MAD2L1BP: variants seen among roughly 807,000 people sequenced by gnomAD.
MAD2L1BP encodes the protein MAD2L1 binding protein.
MAD2L1BP carries 22 observed loss-of-function variants against 28.4 expected under a neutral mutation model. The observed-to-expected ratio is 0.77, with a 90% CI of 0.55 to 1.10. MAD2L1BP has a LOEUF of 1.10. Among genes scored for constraint, MAD2L1BP ranks in the 50% least tolerant of loss-of-function variants. The pLI, the probability that MAD2L1BP is intolerant of heterozygous loss-of-function variation, is 0.00. For synonymous variants in MAD2L1BP, 146 were observed against 133.7 expected (o/e 1.09, Z -0.63); for missense variants, 325 against 350.5 (o/e 0.93, Z 0.58).
chr6:43,634,062 G>A (rs1163486478), upstream of MAD2L1BP, among the ~76,000 whole-genome samples: 1 of 151,998 alleles, frequency 6.6e-6, no homozygotes, highest in Non-Finnish European at 1.5e-5. Flanking sequence ...ATTGCAAATG[G>A]CATTCCTAAA....
chr6:43,640,674 C>G lies in MAD2L1BP; in HGVS notation c.*141C>G. ...CTCCTTCTGGTTGTCTGCCTCCCCT[C>G]AGATTTCCTGATAGGCTGATGGCAT... On this transcript the variant is annotated 3_prime_UTR_variant, in exon 3 of 3. Transcript: ENST00000372171. 4.8e-6 allele frequency: 4 copies of G among 827,542 alleles called. No individual in the cohort carries two copies. Among genetic ancestry groups the G allele is most frequent in the Non-Finnish European group, 5.5e-6 (3 of 549,148 alleles). 51.3% of individuals were successfully genotyped at this position (827,542 alleles called of 1,614,324 possible).
upstream of MAD2L1BP, chr6:43,633,126 G>T (rs1201375601): frequency 1.2e-5 from 5 of 408,866 alleles, no homozygotes; most frequent in Non-Finnish European, 2.4e-5. Flanking sequence ...GGGATTATAG[G>T]CTGGAGCTGC....
At position 43,638,350 on chromosome 6, in the gene MAD2L1BP, C is replaced by T. The variant is rs530050259; in HGVS notation, c.313-1671C>T. 2.6e-5 allele frequency among the ~76,000 whole-genome samples: 4 copies of T among 152,170 alleles called. No homozygotes were observed. In the East Asian group the frequency reaches 5.8e-4, roughly 22 times the overall value. On this transcript the variant is annotated intron_variant, in intron 2 of 2. Coordinates refer to ENST00000372171, the MANE Select transcript of MAD2L1BP (RefSeq NM_014628.3). ...GTGAGCCACTGCGCCAGGCCATGAA[C>T]TTCTTTTGCCTGAGGATATTAATTA...
Position 43,640,636 on chromosome 6 carries a change from A to G in MAD2L1BP, c.*103A>G. On this transcript the variant is annotated 3_prime_UTR_variant, in exon 3 of 3. Transcript: ENST00000372171. ...GGAGCTAGAGTTGCTTCCTGGTGAG[A>G]GAGGAAGCAACTCTCCTTCTGGTTG... The G allele has an allele frequency of 7.7e-7, 1 of 1,294,452 alleles. No homozygotes were observed. The highest frequency in any genetic ancestry group is 1.0e-6 in the Non-Finnish European group (1 of 957,358). 80.2% of individuals were successfully genotyped at this position (1,294,452 alleles called of 1,614,324 possible).
At chr6:43,634,047 C>T (rs983547573), upstream of MAD2L1BP, among the ~76,000 whole-genome samples, 6 of 152,062 alleles carry the variant, frequency 3.9e-5, no homozygotes, top group Non-Finnish European at 8.8e-5. Context: ...TAAATACATA[C>T]CTTTATTGCA....
chr6:43,631,631 C>T (rs941014770), upstream of MAD2L1BP, among the ~76,000 whole-genome samples: 6 of 152,178 alleles, frequency 3.9e-5, no homozygotes, highest in Middle Eastern at 3.4e-3. Context: ...ACTACAGGTG[C>T]GAGCCACCAT....
At chr6:43,636,817 T>G (rs1283712157) in intron 2 of MAD2L1BP, 171 bp downstream of exon 2, 6 of 703,844 alleles carry the variant, frequency 8.5e-6, no homozygotes, top group Non-Finnish European at 1.4e-5. Flanking sequence ...CCTTCTGGCT[T>G]TTTCAACTGT....
upstream of MAD2L1BP, among the ~76,000 whole-genome samples, chr6:43,634,200 C>G (rs553922148): frequency 2.3e-4 from 32 of 140,576 alleles, no homozygotes; most frequent in African/African-American, 8.0e-4. Context: ...TTCCTCCATC[C>G]TTTTTTTTTT....
upstream of MAD2L1BP, among the ~76,000 whole-genome samples, chr6:43,631,244 G>A (rs200928959): frequency 1.1e-4 from 17 of 152,304 alleles, no homozygotes; most frequent in East Asian, 3.3e-3. Flanking sequence ...GCCACTGAAG[G>A]AAAGGTTATG....
chr6:43,630,328 A>G (rs1278919856), intron 1 of MAD2L1BP, among the ~76,000 whole-genome samples: 1 of 152,224 alleles, frequency 6.6e-6, no homozygotes. Context: ...CTGAGCTGCG[A>G]GTCAGGACGC....
intron 2 of MAD2L1BP, 109 bp from the exon 3 acceptor site, chr6:43,639,912 A>T: frequency 1.1e-6 from 1 of 906,608 alleles, no homozygotes; most frequent in Non-Finnish European, 1.5e-6. Context: ...TCATTGAGCT[A>T]GAAATTAAGT....
upstream of MAD2L1BP, among the ~76,000 whole-genome samples, chr6:43,632,978 C>T (rs529380162): frequency 1.3e-3 from 191 of 147,834 alleles, no homozygotes; most frequent in African/African-American, 4.8e-3. Flanking sequence ...GCCAAGATCA[C>T]GCCATTGCAC....
intron 2 of MAD2L1BP, among the ~76,000 whole-genome samples, chr6:43,639,144 CT>C (rs112595245): frequency 0.021 from 3,078 of 145,250 alleles, 33 homozygotes; most frequent in South Asian, 0.043. Flanking sequence ...CATCTTCTTT[CT>C]TTTTTTTTTT....
chr6:43,633,127 C>A, upstream of MAD2L1BP: 1 of 409,184 alleles, frequency 2.4e-6, no homozygotes. Context: ...GGATTATAGG[C>A]TGGAGCTGCC....
At chr6:43,630,733 A>T (rs1308373077) in intron 1 of MAD2L1BP, among the ~76,000 whole-genome samples, 1 of 147,682 alleles carries the variant, frequency 6.8e-6, no homozygotes, top group Non-Finnish European at 1.5e-5. Flanking sequence ...ACAGAGCGAG[A>T]CTCCAACTAA....
exon 1 of MAD2L1BP, chr6:43,629,554 C>T: frequency 1.5e-6 from 1 of 656,604 alleles, no homozygotes; most frequent in Non-Finnish European, 2.7e-6. Context: ...GAATTTAGAG[C>T]CTCGAGGCCT....
intron 1 of MAD2L1BP, 137 bp from the exon 2 acceptor site, chr6:43,636,244 A>G: frequency 1.3e-6 from 1 of 790,736 alleles, no homozygotes; most frequent in East Asian, 2.7e-5. Context: ...CCCATACTGT[A>G]GGCTGCGGAG....
exon 1 of MAD2L1BP, chr6:43,629,761 G>A: frequency 1.3e-6 from 2 of 1,559,142 alleles, no homozygotes; most frequent in South Asian, 1.2e-5. Context: ...TGGCCCGCGT[G>A]CCGCTGGGGT....
At chr6:43,636,019 CCGTCTTCCCTGT>C in intron 1 of MAD2L1BP, 98 bp downstream of exon 1, 1 of 1,247,648 alleles carries the variant, frequency 8.0e-7, no homozygotes, top group Middle Eastern at 2.2e-4. Context: ...TCTCCCTAGC[CCGTCTTCCCTGT>C]CTTCCGGGTG....
Sources: gnomAD v4.1 joint callset for allele counts (sites outside exome capture counted in the v4.1 genomes callset) on GRCh38, gnomAD v4.1.1 for gene constraint, MANE v1.5 for transcripts, NCBI Gene and HGNC (gene_info 2026-07-23, HGNC 2026-07-21) for gene names.